The following NCOA7 variants were observed in gnomAD, a reference collection of about 807,000 sequenced individuals.
NCOA7 encodes the protein 140 kDa estrogen receptor-associated protein.
In NCOA7, 45 loss-of-function variants were observed where a neutral mutation model predicts 104.3. The ratio of observed to expected loss-of-function variants is 0.43; its 90% CI spans 0.34 to 0.55. The LOEUF (loss-of-function observed/expected upper bound fraction) is 0.55. Among genes scored for constraint, NCOA7 ranks in the 20% least tolerant of loss-of-function variants. The pLI is 0.02. For synonymous variants in NCOA7, 398 were observed against 402.3 expected (o/e 0.99, Z 0.13); for missense variants, 1,041 against 1,119.7 (o/e 0.93, Z 1.00).
intron 10 of NCOA7, among the ~76,000 whole-genome samples, chr6:125,904,515 G>A (rs1382170549): frequency 6.6e-6 from 1 of 152,058 alleles, no homozygotes; most frequent in Admixed American, 6.6e-5. Flanking sequence ...TCTTTGCATG[G>A]GTTCCCTCCA....
chr6:125,787,160 G>T (rs983486127), upstream of NCOA7, among the ~76,000 whole-genome samples: 3 of 151,240 alleles, frequency 2.0e-5, no homozygotes, highest in Non-Finnish European at 2.9e-5. Flanking sequence ...AAATACAGTA[G>T]AGCTCTAGAT....
At chr6:125,846,796 G>A (rs1000551936) in intron 2 of NCOA7, among the ~76,000 whole-genome samples, 1 of 152,154 alleles carries the variant, frequency 6.6e-6, no homozygotes, top group South Asian at 2.1e-4. Flanking sequence ...TGTGACCTTG[G>A]GAAATGGCCC....
At chr6:125,882,710 AATTTT>A in intron 7 of NCOA7, 159 bp downstream of exon 7, 1 of 726,954 alleles carries the variant, frequency 1.4e-6, no homozygotes, top group Non-Finnish European at 2.2e-6. Context: ...GGATGCCTGG[AATTTT>A]ACTTACTGAG....
chr6:125,848,597 C>T (rs932243385), intron 2 of NCOA7, among the ~76,000 whole-genome samples: 42 of 152,014 alleles, frequency 2.8e-4, no homozygotes, highest in Admixed American at 8.5e-4. Flanking sequence ...GGGAATTGAA[C>T]GATGAGAACA....
At chr6:125,825,659 C>G (rs1778599031) in intron 2 of NCOA7, among the ~76,000 whole-genome samples, 1 of 152,140 alleles carries the variant, frequency 6.6e-6, no homozygotes, top group Non-Finnish European at 1.5e-5. Flanking sequence ...ATTTTATTTT[C>G]AGAAGGTAAT....
chr6:125,822,301 A>C (rs1195524445), intron 2 of NCOA7, among the ~76,000 whole-genome samples: 1 of 152,168 alleles, frequency 6.6e-6, no homozygotes, highest in Non-Finnish European at 1.5e-5. Context: ...TTAGCTTTAT[A>C]CTTTTTTAAT....
chr6:125,919,780 T>A (rs1460003824), intron 11 of NCOA7, among the ~76,000 whole-genome samples: 2 of 152,258 alleles, frequency 1.3e-5, no homozygotes, highest in African/African-American at 4.8e-5. Flanking sequence ...GTAAAATTAG[T>A]AAGCTTAATT....
intron 2 of NCOA7, among the ~76,000 whole-genome samples, chr6:125,844,088 G>A (rs369854308): frequency 6.6e-6 from 1 of 152,294 alleles, no homozygotes; most frequent in East Asian, 1.9e-4. Context: ...ACCCACCACT[G>A]TTTTAACAGT....
intron 9 of NCOA7, among the ~76,000 whole-genome samples, chr6:125,890,323 T>C (rs1395896983): frequency 6.6e-6 from 1 of 152,224 alleles, no homozygotes; most frequent in Admixed American, 6.5e-5. Context: ...TTATGTTATA[T>C]TGTGTTCTCA....
intron 10 of NCOA7, among the ~76,000 whole-genome samples, chr6:125,895,746 A>G (rs1784949392): frequency 6.6e-6 from 1 of 152,070 alleles, no homozygotes; most frequent in East Asian, 1.9e-4. Context: ...TGGAAAAGAG[A>G]GAGAGTGGGC....
chr6:125,786,774 T>C (rs2128538696), upstream of NCOA7, among the ~76,000 whole-genome samples: 1 of 152,132 alleles, frequency 6.6e-6, no homozygotes, highest in East Asian at 1.9e-4. Context: ...CAGAGTTTCA[T>C]CGTGTTGGCC....
At chr6:125,920,118 A>G (rs1787442033) in intron 11 of NCOA7, among the ~76,000 whole-genome samples, 1 of 152,256 alleles carries the variant, frequency 6.6e-6, no homozygotes, top group African/African-American at 2.4e-5. Context: ...AAGCATAGCT[A>G]GAGTTAAATA....
chr6:125,825,732 CT>C (rs200452167), intron 2 of NCOA7, among the ~76,000 whole-genome samples: 1 of 151,228 alleles, frequency 6.6e-6, no homozygotes, highest in African/African-American at 2.4e-5. Context: ...GCTCCAACAT[CT>C]TTTTTTTTGT....
In NCOA7 at chr6:125,929,251, T is replaced by A. The variant is rs1138820; in HGVS notation, c.*480T>A. ...GGGAATATATGAGGTTTTTTTTTTTTTAAAAAAAAACTTTTATTTATTATT... is the reference window on the plus strand; with the variant it reads ...GGGAATATATGAGGTTTTTTTTTTTATAAAAAAAAACTTTTATTTATTATT... On this transcript the variant is annotated 3_prime_UTR_variant, in exon 16 of 16. Transcript: ENST00000392477. The A allele has an allele frequency of 0.58, 72,406 of 125,462 alleles. 17,914 individuals carry two copies. The highest frequency in any genetic ancestry group is 0.64 in the Admixed American group (8,867 of 13,878). 7.8% of individuals were successfully genotyped at this position (125,462 alleles called of 1,614,324 possible).
chr6:125,840,893 T>G (rs1780096766), intron 2 of NCOA7, among the ~76,000 whole-genome samples: 2 of 51,524 alleles, frequency 3.9e-5, no homozygotes, highest in African/African-American at 5.6e-5. Context: ...TTTTTTTTTT[T>G]TTTTTTTTTT....
intron 2 of NCOA7, among the ~76,000 whole-genome samples, chr6:125,853,746 G>C (rs1190773985): frequency 6.6e-6 from 1 of 152,134 alleles, no homozygotes; most frequent in African/African-American, 2.4e-5. Flanking sequence ...ATGTTGACAT[G>C]TATTATGTCA....
intron 1 of NCOA7, among the ~76,000 whole-genome samples, chr6:125,782,885 G>C (rs1295974534): frequency 6.6e-6 from 1 of 152,170 alleles, no homozygotes; most frequent in Non-Finnish European, 1.5e-5. Flanking sequence ...TTAAGATTTT[G>C]AGATGGAGAT....
intron 3 of NCOA7, among the ~76,000 whole-genome samples, chr6:125,868,905 G>A (rs1472202087): frequency 6.6e-6 from 1 of 152,200 alleles, no homozygotes; most frequent in Non-Finnish European, 1.5e-5. Context: ...ATGGAGGAGA[G>A]AGCTGGTCGT....
chr6:125,923,671 T>TATTC (rs1284374253), intron 13 of NCOA7, among the ~76,000 whole-genome samples: 4 of 152,262 alleles, frequency 2.6e-5, no homozygotes, highest in South Asian at 2.1e-4. Context: ...ACTCAACATT[T>TATTC]ATTCATTCAT....
Sources: gnomAD v4.1 joint callset for allele counts (sites outside exome capture counted in the v4.1 genomes callset) on GRCh38, gnomAD v4.1.1 for gene constraint, MANE v1.5 for transcripts, NCBI Gene and HGNC (gene_info 2026-07-23, HGNC 2026-07-21) for gene names.